The following DAB1 variants were observed in gnomAD, a reference collection of about 807,000 sequenced individuals.
DAB1 encodes DAB adaptor protein 1, also known as disabled homolog 1.
In DAB1, 15 loss-of-function variants were observed where a neutral mutation model predicts 64.6. The observed-to-expected ratio is 0.23, with a 90% CI of 0.16 to 0.36. DAB1 has a LOEUF of 0.36. Among genes scored for constraint, DAB1 ranks in the 10% least tolerant of loss-of-function variants. DAB1 has a pLI of 1.00. For synonymous variants in DAB1, 235 were observed against 251.9 expected, an observed-to-expected ratio of 0.93 and a Z score of 0.64; for missense variants, 596 against 706.7, an observed-to-expected ratio of 0.84 and a Z score of 1.78.
At chr1:58,491,482 G>A (rs1227173408) in intron 3 of DAB1, among the ~76,000 whole-genome samples, 2 of 152,094 alleles carry the variant, frequency 1.3e-5, no homozygotes, top group African/African-American at 4.8e-5. Context: ...ATTGGATAAA[G>A]AGTCAAGACC....
intron 5 of DAB1, among the ~76,000 whole-genome samples, chr1:58,020,618 A>G (rs1646801716): frequency 6.6e-6 from 1 of 152,224 alleles, no homozygotes; most frequent in Non-Finnish European, 1.5e-5. Flanking sequence ...TTCTGTAAAA[A>G]AAAGTCTTCC....
At chr1:58,375,414 C>CT (rs1644313887) in intron 3 of DAB1, among the ~76,000 whole-genome samples, 1 of 133,336 alleles carries the variant, frequency 7.5e-6, no homozygotes, top group Non-Finnish European at 1.6e-5. Context: ...TTGTCAAAGG[C>CT]TTTTTCTGCA....
chr1:58,204,061 A>C (rs541216229), intron 4 of DAB1, among the ~76,000 whole-genome samples: 1 of 152,246 alleles, frequency 6.6e-6, no homozygotes, highest in Non-Finnish European at 1.5e-5. Context: ...TAATTACCCC[A>C]CTGCCTGGCC....
chr1:57,135,639 C>A (rs1658016788), intron 4 of DAB1, among the ~76,000 whole-genome samples: 1 of 152,088 alleles, frequency 6.6e-6, no homozygotes, highest in Non-Finnish European at 1.5e-5. Context: ...CAAGAAAATC[C>A]ATTTTTACAT....
At chr1:57,538,352 GA>G (rs1644755796) in intron 7 of DAB1, among the ~76,000 whole-genome samples, 1 of 152,114 alleles carries the variant, frequency 6.6e-6, no homozygotes, top group African/African-American at 2.4e-5. Context: ...CACAGTTGAG[GA>G]GACTCAAGTT....
At chr1:58,374,223 T>C (rs1213670) in intron 3 of DAB1, among the ~76,000 whole-genome samples, 9,369 of 114,538 alleles carry the variant, frequency 0.082, 223 homozygotes, top group Middle Eastern at 0.17. Context: ...GTTGCCATTG[T>C]TTTTGGTGTT....
intron 3 of DAB1, among the ~76,000 whole-genome samples, chr1:58,454,125 G>A (rs1189470500): frequency 1.3e-5 from 2 of 152,116 alleles, no homozygotes; most frequent in Non-Finnish European, 2.9e-5. Context: ...TCTGGGCTTC[G>A]ACTGGGCATT....
intron 4 of DAB1, among the ~76,000 whole-genome samples, chr1:57,078,875 G>T (rs902059201): frequency 2.0e-5 from 3 of 152,148 alleles, no homozygotes; most frequent in Non-Finnish European, 4.4e-5. Flanking sequence ...AAAAACTTGA[G>T]TACAAAATAT....
chr1:57,302,864 C>T (rs1673781954), intron 1 of DAB1, among the ~76,000 whole-genome samples: 1 of 152,174 alleles, frequency 6.6e-6, no homozygotes, highest in Admixed American at 6.5e-5. Flanking sequence ...TGGCATGACC[C>T]CTCCCACTAC....
chr1:57,474,096 G>C (rs1643903702), intron 7 of DAB1, among the ~76,000 whole-genome samples: 1 of 152,172 alleles, frequency 6.6e-6, no homozygotes, highest in Non-Finnish European at 1.5e-5. Context: ...TATATTTAAA[G>C]TAGTTACTTG....
At chr1:57,165,737 G>A (rs544953072) in intron 2 of DAB1, among the ~76,000 whole-genome samples, 1 of 152,318 alleles carries the variant, frequency 6.6e-6, no homozygotes, top group Non-Finnish European at 1.5e-5. Context: ...AAGGAGATGT[G>A]ATTCATCCAG....
At position 58,029,257 on chromosome 1, in the gene DAB1, G is replaced by C. The variant is rs371175136; in HGVS notation, n.387+121254C>G. ...TTCAGGCTAATTCAATGCAGCCTCA[G>C]TGGGATTGCTCTTTCAGGGTTCTGA... On this transcript the variant is annotated intron_variant and non_coding_transcript_variant, in intron 5 of 20. Coordinates refer to the DAB1 transcript ENST00000485760. 3.3e-4 allele frequency among the ~76,000 whole-genome samples: 50 copies of C among 152,326 alleles called. 3 individuals are homozygous for C. The East Asian group carries it at 8.1e-3, about 25-fold the overall frequency.
chr1:57,364,850 T>C (rs941840625), intron 1 of DAB1, among the ~76,000 whole-genome samples: 4 of 148,882 alleles, frequency 2.7e-5, no homozygotes, highest in Non-Finnish European at 5.9e-5. Flanking sequence ...GGGATATATA[T>C]ATATGTATAT....
At chr1:57,153,431 A>G (rs1363337940) in intron 2 of DAB1, among the ~76,000 whole-genome samples, 1 of 152,212 alleles carries the variant, frequency 6.6e-6, no homozygotes, top group Admixed American at 6.5e-5. Flanking sequence ...ATTATCTTGC[A>G]TAACCCGGGG....
chr1:58,144,629 A>C (rs1401959186), intron 5 of DAB1, among the ~76,000 whole-genome samples: 1 of 152,248 alleles, frequency 6.6e-6, no homozygotes, highest in Admixed American at 6.5e-5. Flanking sequence ...CAAAGTTGGT[A>C]AGCCATCAAT....
intron 2 of DAB1, among the ~76,000 whole-genome samples, chr1:57,197,379 G>T (rs1489175953): frequency 6.6e-6 from 1 of 151,126 alleles, no homozygotes; most frequent in African/African-American, 2.4e-5. Flanking sequence ...TCAAAAACTT[G>T]ACCGAAACCA....
intron 2 of DAB1, among the ~76,000 whole-genome samples, chr1:57,166,689 G>A (rs1044265008): frequency 2.0e-5 from 3 of 152,154 alleles, no homozygotes; most frequent in Non-Finnish European, 2.9e-5. Context: ...GAGATGAGAG[G>A]ACCATTCCCA....
At chr1:57,287,778 T>TGTTATTTA (rs1553164512) in intron 2 of DAB1, among the ~76,000 whole-genome samples, 9 of 144,102 alleles carry the variant, frequency 6.2e-5, no homozygotes, top group African/African-American at 2.3e-4. Flanking sequence ...TTTCTCTCTC[T>TGTTATTTA]TTTATTTATT....
intron 7 of DAB1, among the ~76,000 whole-genome samples, chr1:57,611,196 C>T (rs1051435413): frequency 1.4e-4 from 21 of 149,040 alleles, no homozygotes; most frequent in African/African-American, 5.2e-4. Flanking sequence ...AACTCAGGCA[C>T]CCGGCATAGG....
Sources: gnomAD v4.1 joint callset for allele counts (sites outside exome capture counted in the v4.1 genomes callset) on GRCh38, gnomAD v4.1.1 for gene constraint, MANE v1.5 for transcripts, NCBI Gene and HGNC (gene_info 2026-07-23, HGNC 2026-07-21) for gene names.